The following VSTM1 variants were observed in gnomAD, a reference collection of about 807,000 sequenced individuals.
VSTM1 encodes V-set and transmembrane domain-containing protein 1.
A neutral mutation model predicts 33.1 loss-of-function variants in VSTM1; 27 were observed. That is an observed-to-expected ratio of 0.82 (90% CI 0.60 to 1.12). The LOEUF is 1.12. Ranked by LOEUF, VSTM1 falls within the 50% of genes most tolerant of loss-of-function variation. The pLI is 0.00. For synonymous variants in VSTM1, 115 were observed against 110.3 expected, an observed-to-expected ratio of 1.04 and a Z score of -0.27; for missense variants, 304 against 288.9, an observed-to-expected ratio of 1.05 and a Z score of -0.38.
At position 54,041,788 on chromosome 19, in the gene VSTM1, T is replaced by C. The variant is rs150247144; in HGVS notation, c.582A>G (p.Val194=). The C allele has an allele frequency of 1.4e-3, 2,314 of 1,613,392 alleles. 2 individuals are homozygous for C. Among genetic ancestry groups the C allele is most frequent in the South Asian group, 2.4e-3 (218 of 90,958 alleles). The change falls in exon 8 of 9, where the codon GTA becomes GTG. Residue 194 remains valine (V), a synonymous_variant. Transcript: ENST00000338372. ...AAGCGGGAGGACTCACCGAGAGAGATACCCTTTCCATATTGGATAAATCTG... is the reference window on the plus strand; with the variant it reads ...AAGCGGGAGGACTCACCGAGAGAGACACCCTTTCCATATTGGATAAATCTG... ...AEADLSNMER[V]SLSTADPQGV...
At chr19:54,045,750 T>C (rs2070548260) in intron 4 of VSTM1, among the ~76,000 whole-genome samples, 1 of 152,162 alleles carries the variant, frequency 6.6e-6, no homozygotes, top group African/African-American at 2.4e-5. Context: ...CTATCACCTA[T>C]CTAGGTATCT....
chr19:54,055,161 C>A (rs1450781970), intron 3 of VSTM1, among the ~76,000 whole-genome samples: 1 of 140,372 alleles, frequency 7.1e-6, no homozygotes, highest in Non-Finnish European at 1.6e-5. Flanking sequence ...CTGCACCGTG[C>A]CTCCCATACT....
Position 54,058,345 on chromosome 19 carries a change from A to G in VSTM1, c.316T>C (p.Trp106Arg), listed in dbSNP as rs1291804915. 2 of 1,613,646 alleles carry G rather than the reference A, an allele frequency of 1.2e-6. No individual in the cohort carries two copies. Among genetic ancestry groups the G allele is most frequent in the Non-Finnish European group, 1.7e-6 (2 of 1,179,944 alleles). ...CAYKTTASHE[W>R]SESSEHLQLV... Reference sequence around the variant, plus strand: ...TGCAAGTGTTCACTGCTTTCTGACCACTCATGGGAGGCTGTTGTCTTGTAG... The same window carrying G: ...TGCAAGTGTTCACTGCTTTCTGACCGCTCATGGGAGGCTGTTGTCTTGTAG... The change falls in exon 3 of 9, where the codon TGG becomes CGG. Residue 106 changes from tryptophan to arginine, a missense_variant. Trp to Arg is a moderately radical substitution (Grantham distance 101, BLOSUM62 -3). Coordinates refer to ENST00000338372, the MANE Select transcript of VSTM1 (RefSeq NM_198481.4).
At chr19:54,042,605 C>G (rs1239976818) in intron 4 of VSTM1, among the ~76,000 whole-genome samples, 1 of 151,396 alleles carries the variant, frequency 6.6e-6, no homozygotes, top group Admixed American at 6.6e-5. Context: ...GATGGTGGGT[C>G]AGTACCTATA....
intron 8 of VSTM1, among the ~76,000 whole-genome samples, chr19:54,041,542 C>T (rs2146023271): frequency 6.6e-6 from 1 of 152,228 alleles, no homozygotes; most frequent in South Asian, 2.1e-4. Flanking sequence ...ACCTCATGAT[C>T]CGCCCGCCTC....
At chr19:54,047,233 T>G (rs11667088) in intron 4 of VSTM1, among the ~76,000 whole-genome samples, 1 of 151,792 alleles carries the variant, frequency 6.6e-6, no homozygotes, top group Non-Finnish European at 1.5e-5. Flanking sequence ...AAACGTCACT[T>G]TCACACTAAT....
chr19:54,048,189 C>T (rs900623611), intron 4 of VSTM1, among the ~76,000 whole-genome samples: 1 of 152,194 alleles, frequency 6.6e-6, no homozygotes, highest in Admixed American at 6.5e-5. Flanking sequence ...AATCACAGTT[C>T]ACTGAAGCCT....
intron 3 of VSTM1, 63 bp downstream of exon 3, chr19:54,058,243 A>C: frequency 6.5e-7 from 1 of 1,540,922 alleles, no homozygotes; most frequent in Non-Finnish European, 8.8e-7. Flanking sequence ...CTGTCTTAAA[A>C]AAAAAAAAGC....
In VSTM1 at chr19:54,058,574, G is replaced by A. The variant is rs1404540721; in HGVS notation, c.87C>T (p.Pro29=). ...DEKKNEKPPK[P]SLHAWPSSVV... ...CCGAGCTGGGCCAGGCGTGGAGGGAGGGCTTGGGCGGTTTCTCTGGAAACA... is the reference window on the plus strand; with the variant it reads ...CCGAGCTGGGCCAGGCGTGGAGGGAAGGCTTGGGCGGTTTCTCTGGAAACA... Residue 29 remains proline, a synonymous_variant, in exon 3 of 9, where the codon CCC becomes CCT. Transcript: ENST00000338372. The A allele has an allele frequency of 6.2e-7, 1 of 1,613,444 alleles. No homozygotes were observed. Among genetic ancestry groups the A allele is most frequent in the African/African-American group, 1.3e-5 (1 of 74,868 alleles).
chr19:54,060,808 A>C (rs914882275), intron 1 of VSTM1, among the ~76,000 whole-genome samples: 4 of 151,924 alleles, frequency 2.6e-5, no homozygotes, highest in African/African-American at 9.7e-5. Flanking sequence ...CATCCATCTC[A>C]GCCTCCCAAA....
At position 54,058,316 on chromosome 19, in the gene VSTM1, C is replaced by G. The variant is rs994115553; in HGVS notation, c.345G>C (p.Leu115=). The change falls in exon 3 of 9, where the codon CTG becomes CTC. Residue 115 remains leucine, a synonymous_variant. Transcript: ENST00000338372. The part of the protein sequence containing the change: ...EWSESSEHLQ[L]VVTDKHDELE... ...ATCTGCCCTTCTCACCTGTGACCAC[C>G]AGCTGCAAGTGTTCACTGCTTTCTG... 8.1e-6 allele frequency: 13 copies of G among 1,613,896 alleles called. No individual in the cohort carries two copies. The South Asian group carries it at 1.3e-4, about 16-fold the overall frequency.
intron 4 of VSTM1, among the ~76,000 whole-genome samples, chr19:54,050,343 G>T (rs878964126): frequency 5.9e-5 from 9 of 151,914 alleles, no homozygotes; most frequent in Admixed American, 3.3e-4. Context: ...CAGAATCTTA[G>T]TCAATTGTTA....
At position 54,058,828 on chromosome 19, in the gene VSTM1, T is replaced by G. The variant is rs992817970; in HGVS notation, c.35-96A>C. On this transcript the variant is annotated intron_variant, in intron 1 of 8. Transcript: ENST00000338372. ...TGACTAGCTCTTTATAGGTCTGAGA[T>G]ATATATATATATATAATGTATATAT... is the stretch of plus-strand genomic sequence containing the variant. 110 of 469,756 alleles carry G rather than the reference T, an allele frequency of 2.3e-4. 1 individual carries two copies. The highest frequency in any genetic ancestry group is 1.7e-3 in the African/African-American group (84 of 48,410). The allele number at this position is 469,756 out of a possible 1,614,324, so 29.1% of individuals were successfully genotyped here.
At chr19:54,060,360 T>G (rs1388250222) in intron 1 of VSTM1, among the ~76,000 whole-genome samples, 2 of 152,136 alleles carry the variant, frequency 1.3e-5, no homozygotes, top group Non-Finnish European at 2.9e-5. Context: ...TGGGGCTTGT[T>G]TCAGGGTGAA....
chr19:54,041,917 G>C lies in VSTM1; in HGVS notation c.552C>G (p.Ala184=). 1 of 1,614,062 alleles carries C rather than the reference G, an allele frequency of 6.2e-7. No individual in the cohort carries two copies. Among genetic ancestry groups the C allele is most frequent in the Non-Finnish European group, 8.5e-7 (1 of 1,180,016 alleles). The change falls in exon 7 of 9, where the codon GCC becomes GCG. Residue 184 remains alanine, a splice_region_variant and synonymous_variant. Coordinates refer to ENST00000338372, the MANE Select transcript of VSTM1 (RefSeq NM_198481.4). The part of the protein sequence containing the change: ...SHSKLPEQEA[A]EADLSNMERV... ...CCTTAAACTTCCCCTGTCCCTTACC[G>C]GCAGCCTCCTGCTCCGGAAGTTTGG...
intron 3 of VSTM1, among the ~76,000 whole-genome samples, chr19:54,057,228 C>T (rs2071142141): frequency 1.4e-5 from 2 of 140,136 alleles, no homozygotes; most frequent in African/African-American, 5.2e-5. Context: ...AAAAGAAATA[C>T]GTGCATCAGG....
Position 54,053,657 on chromosome 19 carries a change from T to G in VSTM1, c.356-2209A>C, listed in dbSNP as rs143471818. On this transcript the variant is annotated intron_variant, in intron 3 of 8. Coordinates refer to ENST00000338372, the MANE Select transcript of VSTM1 (RefSeq NM_198481.4). ...TGAGAACACAGCCCTTGTTGACACCTTGATTGCATCCTTATGAGACCCAAA... is the reference window on the plus strand; with the variant it reads ...TGAGAACACAGCCCTTGTTGACACCGTGATTGCATCCTTATGAGACCCAAA... Among the ~76,000 whole-genome samples, 70 of 141,764 alleles carry G rather than the reference T, an allele frequency of 4.9e-4. 12 individuals are homozygous for G. In the East Asian group the frequency reaches 0.012, roughly 25 times the overall value. The allele number at this position is 141,764 out of a possible 152,430, so 93.0% of individuals were successfully genotyped here.
At chr19:54,060,864 AT>A (rs546377095) in intron 1 of VSTM1, among the ~76,000 whole-genome samples, 2 of 151,214 alleles carry the variant, frequency 1.3e-5, no homozygotes, top group Non-Finnish European at 2.9e-5. Context: ...TGATTTTAAA[AT>A]TTTTTTGTAG....
At chr19:54,042,834 A>ATATATG (rs2070383242) in intron 4 of VSTM1, among the ~76,000 whole-genome samples, 1 of 76,112 alleles carries the variant, frequency 1.3e-5, no homozygotes, top group Non-Finnish European at 2.7e-5. Flanking sequence ...ATATATATAT[A>ATATATG]TATACATATA....
Sources: gnomAD v4.1 joint callset for allele counts (sites outside exome capture counted in the v4.1 genomes callset) on GRCh38, gnomAD v4.1.1 for gene constraint, MANE v1.5 for transcripts, NCBI Gene and HGNC (gene_info 2026-07-23, HGNC 2026-07-21) for gene names.